The following MYBPC1 variants were observed in gnomAD, a reference collection of about 807,000 sequenced individuals.
MYBPC1 encodes the protein myosin binding protein C1.
A neutral mutation model predicts 147.1 loss-of-function variants in MYBPC1; 52 were observed. The observed-to-expected ratio is 0.35, with a 90% CI of 0.28 to 0.45. MYBPC1 has a LOEUF of 0.45. Ranked by LOEUF, MYBPC1 falls within the 20% of genes least tolerant of loss-of-function variation. The pLI, the probability that MYBPC1 is intolerant of heterozygous loss-of-function variation, is 1.00. For synonymous variants in MYBPC1, 477 were observed against 475.9 expected, an observed-to-expected ratio of 1.00 and a Z score of -0.03; for missense variants, 1,228 against 1,440.3, an observed-to-expected ratio of 0.85 and a Z score of 2.39.
chr12:101,629,668 T>G (rs981811649), intron 6 of MYBPC1, 124 bp downstream of exon 6: 1 of 722,398 alleles, frequency 1.4e-6, no homozygotes, highest in East Asian at 2.8e-5. Context: ...AGCTCAGGAG[T>G]TCGAGACCAG....
chr12:101,659,119 T>C (rs1216398142), intron 18 of MYBPC1, among the ~76,000 whole-genome samples: 1 of 152,256 alleles, frequency 6.6e-6, no homozygotes, highest in Admixed American at 6.5e-5. Context: ...GGGAATTAGA[T>C]GTGCATTCTT....
intron 24 of MYBPC1, among the ~76,000 whole-genome samples, chr12:101,673,050 C>T (rs373198278): frequency 3.3e-5 from 5 of 152,276 alleles, no homozygotes; most frequent in African/African-American, 1.2e-4. Flanking sequence ...CCCCAGAGCC[C>T]ATGCTCTTAA....
rs777272920 is a variant in MYBPC1 at position 101,653,155 on chromosome 12, C to T, written c.1674C>T (p.Asn558=). ...KIILDGLDAD[N]TVTVIAGNKL... ...TCCTGGATGGTCTTGATGCTGACAA[C>T]ACAGTGACAGTGATTGCAGGAAACA... The change falls in exon 18 of 32, where the codon AAC becomes AAT. Residue 558 remains asparagine (N), a synonymous_variant. Transcript: ENST00000361466. 5 of 1,613,974 alleles carry T rather than the reference C, an allele frequency of 3.1e-6. No individual in the cohort carries two copies. In the Admixed American group the frequency reaches 8.3e-5, roughly 27 times the overall value.
rs148693023 is a variant in MYBPC1, at chr12:101,649,419, T to C, written c.1356T>C (p.Ser452=). ...GAGGACAATCATCTGCTAAACTTAG[T>C]GTTGACTGTAAGTGAGACTTCTTTA... ...TTGGQSSAKL[S]VDLKPLKILT... is the part of the protein sequence containing the mutation. Residue 452 remains serine (S), a synonymous_variant, in exon 15 of 32, where the codon AGT becomes AGC. Coordinates refer to ENST00000361466, the MANE Select transcript of MYBPC1 (RefSeq NM_002465.4). The C allele has an allele frequency of 1.1e-5, 17 of 1,613,694 alleles. No homozygotes were observed. The Admixed American group carries it at 1.2e-4, about 11-fold the overall frequency.
the MYBPC1 span, among the ~76,000 whole-genome samples, chr12:101,694,281 A>T: frequency 6.6e-6 from 1 of 152,142 alleles, no homozygotes; most frequent in South Asian, 2.1e-4. Flanking sequence ...CCTTTTCTTC[A>T]TAGCTTTGCC....
rs139891273 is a variant in MYBPC1, at chr12:101,685,036, G to A, written c.*20-546G>A. Among the ~76,000 whole-genome samples the A allele has an allele frequency of 2.6e-5, 4 of 152,060 alleles. No homozygotes were observed. In the East Asian group the frequency reaches 5.8e-4, roughly 22 times the overall value. On this transcript the variant is annotated intron_variant, in intron 31 of 31. Transcript: ENST00000361466. ...TCGCACCTTCAGAAAGTATTGGACC[G>A]GTCTTATTATTATAATTTTAACAAA...
At position 101,626,924 on chromosome 12, in the gene MYBPC1, C is replaced by G. The variant is rs747009291; in HGVS notation, c.142+14C>G. The G allele has an allele frequency of 4.4e-6, 7 of 1,601,764 alleles. No homozygotes were observed. Among genetic ancestry groups the G allele is most frequent in the Non-Finnish European group, 5.1e-6 (6 of 1,168,774 alleles). On this transcript the variant is annotated intron_variant, in intron 4 of 31. Transcript: ENST00000361466. ...CCTTGCCTCCAGGTTGGGATAATTT[C>G]TACCCTTTTCCCTGCTTTTAAATAT...
At chr12:101,667,669 T>C (rs1897739266) in intron 22 of MYBPC1, 63 bp from the exon 23 acceptor site, 2 of 1,581,346 alleles carry the variant, frequency 1.3e-6, no homozygotes, top group Admixed American at 1.7e-5. Flanking sequence ...CTGTAATGGT[T>C]AAGATGATTT....
chr12:101,671,192 T>G (rs1255476616), intron 24 of MYBPC1, among the ~76,000 whole-genome samples: 1 of 152,052 alleles, frequency 6.6e-6, no homozygotes, highest in South Asian at 2.1e-4. Context: ...AGAAATAAAT[T>G]TTTAATTTTC....
At chr12:101,662,684 C>A (rs1404237381) in intron 21 of MYBPC1, 138 bp downstream of exon 21, 8 of 886,630 alleles carry the variant, frequency 9.0e-6, no homozygotes, top group Non-Finnish European at 1.1e-5. Flanking sequence ...CAGTTAGGTA[C>A]AATTTTATGT....
intron 30 of MYBPC1, among the ~76,000 whole-genome samples, chr12:101,683,925 T>A (rs1442500659): frequency 2.0e-5 from 3 of 152,234 alleles, no homozygotes; most frequent in Non-Finnish European, 4.4e-5. Context: ...TACACTAGTC[T>A]AATATTTGTA....
rs372563184 is a variant in MYBPC1, at chr12:101,678,255, T to G, written c.3246+17T>G. The G allele has an allele frequency of 1.9e-6, 3 of 1,613,562 alleles. No homozygotes were observed. The highest frequency in any genetic ancestry group is 1.7e-5 in the Admixed American group (1 of 60,000). On this transcript the variant is annotated intron_variant, in intron 28 of 31. Coordinates refer to ENST00000361466, the MANE Select transcript of MYBPC1 (RefSeq NM_002465.4). ...AATCCTAAGGTACCATGTTCTTCTA[T>G]CACATCAGTTAAAGTCCCTGTCTTG... is the stretch of plus-strand genomic sequence containing the variant.
At chr12:101,687,244 C>T (rs1256947855), downstream of MYBPC1, among the ~76,000 whole-genome samples, 4 of 151,932 alleles carry the variant, frequency 2.6e-5, no homozygotes, top group African/African-American at 4.8e-5. Flanking sequence ...CCACAACAGG[C>T]CCTGGTGTGT....
chr12:101,684,566 G>A, intron 31 of MYBPC1, 142 bp downstream of exon 31: 2 of 666,576 alleles, frequency 3.0e-6, no homozygotes, highest in South Asian at 1.9e-5. Flanking sequence ...GTTTTAATTT[G>A]TATTTCACTA....
chr12:101,663,459 A>C lies in MYBPC1; in HGVS notation c.2255A>C (p.Asp752Ala). 10 of 1,613,660 alleles carry C rather than the reference A, an allele frequency of 6.2e-6. No homozygotes were observed. The highest frequency in any genetic ancestry group is 8.5e-6 in the Non-Finnish European group (10 of 1,179,784). The change falls in exon 22 of 32, where the codon GAC becomes GCC. Residue 752 changes from aspartate to alanine, a missense_variant. By Grantham distance (126) the Asp-to-Ala change is moderately radical. Transcript: ENST00000361466. ...VTSPPTLLTVDSVTDTTVTMR... is the reference protein window; with the variant it reads ...VTSPPTLLTVASVTDTTVTMR... Reference sequence around the variant, plus strand: ...AGCCCTCCTACTCTTCTGACTGTGGACTCTGTCACTGACACGACTGTCACG... The same window carrying C: ...AGCCCTCCTACTCTTCTGACTGTGGCCTCTGTCACTGACACGACTGTCACG...
chr12:101,670,238 G>A (rs759375228), intron 23 of MYBPC1, 83 bp from the exon 24 acceptor site: 2 of 1,039,638 alleles, frequency 1.9e-6, no homozygotes, highest in African/African-American at 1.6e-5. Flanking sequence ...GTACGCTGGT[G>A]AGCATCATGC....
At chr12:101,638,789 A>G (rs1191651152) in intron 10 of MYBPC1, among the ~76,000 whole-genome samples, 1 of 152,204 alleles carries the variant, frequency 6.6e-6, no homozygotes, top group Non-Finnish European at 1.5e-5. Flanking sequence ...TGGGCAGCCA[A>G]CATGTCTCCA....
At position 101,665,024 on chromosome 12, in the gene MYBPC1, C is replaced by T. The variant is rs114035797; in HGVS notation, c.2356+1464C>T. Among the ~76,000 whole-genome samples the T allele has an allele frequency of 4.8e-3, 723 of 152,118 alleles. 5 individuals carry two copies. Among genetic ancestry groups the T allele is most frequent in the African/African-American group, 0.016 (684 of 41,492 alleles). On this transcript the variant is annotated intron_variant, in intron 22 of 31. Transcript: ENST00000361466. ...ATAAACCTTTTGTGTATGTATGAAT[C>T]GAGCAAATTCTTTACTCTTTTCTTT... is the stretch of plus-strand genomic sequence containing the variant.
Position 101,685,655 on chromosome 12 carries a change from A to G in MYBPC1, c.*93A>G. The G allele has an allele frequency of 6.5e-7, 1 of 1,531,146 alleles. No individual in the cohort carries two copies. Among genetic ancestry groups the G allele is most frequent in the African/African-American group, 1.4e-5 (1 of 72,958 alleles). 94.8% of individuals were successfully genotyped at this position (1,531,146 alleles called of 1,614,324 possible). A position where few individuals can be genotyped will look rare whatever the true frequency, so the allele number is the denominator to read the frequency against. On this transcript the variant is annotated 3_prime_UTR_variant, in exon 32 of 32. Coordinates refer to ENST00000361466, the MANE Select transcript of MYBPC1 (RefSeq NM_002465.4). ...TAATTGATTCGTATCTGCGAGACTT[A>G]CACTCAAGCAATCCTGAGGAATACT...
Sources: allele counts gnomAD v4.1 joint callset (sites outside exome capture counted in the v4.1 genomes callset), GRCh38; gene constraint gnomAD v4.1.1; transcripts MANE v1.5; gene names NCBI Gene and HGNC (gene_info 2026-07-23, HGNC 2026-07-21).